GRAMD1B: variants seen among roughly 807,000 people sequenced by gnomAD.
GRAMD1B encodes protein Aster-B.
A neutral mutation model predicts 99.7 loss-of-function variants in GRAMD1B; 37 were observed. That is an observed-to-expected ratio of 0.37 (90% CI 0.29 to 0.49). The LOEUF is 0.49. GRAMD1B is among the 20% of genes least tolerant of loss of function. The pLI, the probability that GRAMD1B is intolerant of heterozygous loss-of-function variation, is 0.98. For missense variants in GRAMD1B, 888 were observed against 1,009.2 expected (o/e 0.88, Z 1.63); for synonymous variants, 427 against 387.6 (o/e 1.10, Z -1.19).
At chr11:123,364,388 A>G (rs1045262803) in intron 1 of GRAMD1B, among the ~76,000 whole-genome samples, 1 of 152,252 alleles carries the variant, frequency 6.6e-6, no homozygotes, top group East Asian at 1.9e-4. Context: ...GATTGAGAGC[A>G]TCGGCATGAG....
At chr11:123,575,404 A>G (rs1948606104) in intron 2 of GRAMD1B, among the ~76,000 whole-genome samples, 1 of 152,096 alleles carries the variant, frequency 6.6e-6, no homozygotes, top group African/African-American at 2.4e-5. Context: ...GCTGGTCTCA[A>G]ACTCGTGGTC....
chr11:123,591,898 C>G lies in GRAMD1B; in HGVS notation c.685-2184C>G, dbSNP rs1148103. ...TGGATTCACTCTCCCCTCTCCCTGC[C>G]ACTGCTACAGCTTTGTTTTAAGGAA... On this transcript the variant is annotated intron_variant, in intron 4 of 19. Transcript: ENST00000635736. The surrounding 1 kb of genome is among the most constrained non-coding windows in gnomAD (Gnocchi z 4.7). 0.1 allele frequency among the ~76,000 whole-genome samples: 15,938 copies of G among 152,222 alleles called. 1,091 individuals carry two copies. The highest frequency in any genetic ancestry group is 0.22 in the East Asian group (1,149 of 5,156).
At position 123,625,967 on chromosome 11, in the gene GRAMD1B, A is replaced by C. The variant is rs896163358; in HGVS notation, c.*3372A>C. On this transcript the variant is annotated 3_prime_UTR_variant, in exon 20 of 20. Coordinates refer to ENST00000635736, the MANE Select transcript of GRAMD1B (RefSeq NM_001387025.1). ...GAGAGAGAGAGAGAGAGAGAGAGAG[A>C]GAGAGAGAGAGAGATCGAGCTTGAT... 1 of 147,980 alleles carries C rather than the reference A, an allele frequency of 6.8e-6. No individual in the cohort carries two copies. The highest frequency in any genetic ancestry group is 1.5e-5 in the Non-Finnish European group (1 of 65,842). The allele number at this position is 147,980 out of a possible 1,614,324, so 9.2% of individuals were successfully genotyped here. A position where few individuals can be genotyped will look rare whatever the true frequency, so the allele number is the denominator to read the frequency against.
At chr11:123,428,699 C>T (rs987498827), upstream of GRAMD1B, among the ~76,000 whole-genome samples, 7 of 152,222 alleles carry the variant, frequency 4.6e-5, no homozygotes, top group Non-Finnish European at 7.3e-5. Context: ...TATTTACTTG[C>T]AGTGAATTCT....
chr11:123,484,222 C>T (rs922933767), intron 2 of GRAMD1B, among the ~76,000 whole-genome samples: 6 of 152,140 alleles, frequency 3.9e-5, no homozygotes, highest in Non-Finnish European at 5.9e-5. Context: ...TCTACCAGTT[C>T]TATGATTGAC....
chr11:123,614,774 G>A lies in GRAMD1B; in HGVS notation c.2257G>A (p.Asp753Asn), dbSNP rs375570291. ...CACACAGACGCGGCATATCCCGGAG[G>A]ACACCCCCAACGGTTTCCACCTGCA... ...GSTQTRHIPE[D>N]TPNGFHLQSV... Residue 753 changes from aspartate to asparagine, a missense_variant, in exon 17 of 20, where the codon GAC becomes AAC. By Grantham distance (23) the Asp-to-Asn change is conservative (BLOSUM62 1). This residue lies in a region of GRAMD1B where 232 missense variants were observed against 261.7 expected (regional missense o/e 0.89). Coordinates refer to ENST00000635736, the MANE Select transcript of GRAMD1B (RefSeq NM_001387025.1). 1.1e-5 allele frequency: 18 copies of A among 1,612,352 alleles called. No individual in the cohort carries two copies. The highest frequency in any genetic ancestry group is 8.3e-5 in the Admixed American group (5 of 59,976).
In GRAMD1B at chr11:123,560,459, C is replaced by T. The variant is rs549102631; in HGVS notation, c.453-16908C>T. 11 of 1,199,512 alleles carry T rather than the reference C, an allele frequency of 9.2e-6. No individual in the cohort carries two copies. The East Asian group carries it at 5.3e-4, about 57-fold the overall frequency. 74.3% of individuals were successfully genotyped at this position (1,199,512 alleles called of 1,614,324 possible). The stretch of plus-strand genomic sequence containing the variant: ...GAAACAGCAGAGCAAAGAAGCGCCC[C>T]CAGCTTCTGAGAGCCCTGGCCCGAG... On this transcript the variant is annotated intron_variant, in intron 2 of 19. Coordinates refer to ENST00000635736, the MANE Select transcript of GRAMD1B (RefSeq NM_001387025.1).
intron 2 of GRAMD1B, among the ~76,000 whole-genome samples, chr11:123,552,754 C>G (rs895525220): frequency 6.6e-6 from 1 of 152,132 alleles, no homozygotes; most frequent in African/African-American, 2.4e-5. Flanking sequence ...CTCTTTGACT[C>G]AATTTTCTCT....
At chr11:123,447,694 T>A (rs1018999315) in intron 1 of GRAMD1B, among the ~76,000 whole-genome samples, 5 of 152,316 alleles carry the variant, frequency 3.3e-5, no homozygotes, top group African/African-American at 7.2e-5. Flanking sequence ...TTAGACAAAA[T>A]TAAGCACATG....
At chr11:123,576,166 C>CA (rs913190651) in intron 2 of GRAMD1B, among the ~76,000 whole-genome samples, 49 of 152,264 alleles carry the variant, frequency 3.2e-4, no homozygotes, top group African/African-American at 1.1e-3. Context: ...CAAATGGGGC[C>CA]AATGGGACAT....
intron 1 of GRAMD1B, among the ~76,000 whole-genome samples, chr11:123,379,417 A>T (rs1287647607): frequency 6.6e-6 from 1 of 152,186 alleles, no homozygotes; most frequent in African/African-American, 2.4e-5. Context: ...TTAAAAAAAA[A>T]ACAAACTTCT....
intron 3 of GRAMD1B, chr11:123,578,401 TG>T: frequency 6.6e-7 from 1 of 1,524,052 alleles, no homozygotes; most frequent in Non-Finnish European, 8.8e-7. Context: ...TTTGCATGCA[TG>T]GTCTTAGTCT....
At chr11:123,399,943 T>G (rs1160641312) in intron 1 of GRAMD1B, among the ~76,000 whole-genome samples, 1 of 152,152 alleles carries the variant, frequency 6.6e-6, no homozygotes, top group Non-Finnish European at 1.5e-5. Context: ...GCATCCTAAC[T>G]TGTGTGAGGT....
chr11:123,564,373 A>C (rs926613272), intron 2 of GRAMD1B, among the ~76,000 whole-genome samples: 7 of 152,182 alleles, frequency 4.6e-5, no homozygotes, highest in Admixed American at 1.3e-4. Flanking sequence ...ATCCTCCTCC[A>C]TGTCCTCATG....
intron 1 of GRAMD1B, among the ~76,000 whole-genome samples, chr11:123,423,270 TAAA>T (rs1948521012): frequency 2.1e-5 from 3 of 141,650 alleles, no homozygotes; most frequent in Non-Finnish European, 4.6e-5. Context: ...ACACACAGAT[TAAA>T]AGAAAAAAAA....
At chr11:123,618,487 C>A in intron 17 of GRAMD1B, 1 of 870,792 alleles carries the variant, frequency 1.1e-6, no homozygotes, top group Non-Finnish European at 2.0e-6. Context: ...CCATGCCCCT[C>A]TCCATGGCTC....
chr11:123,577,646 G>A, intron 3 of GRAMD1B, 69 bp downstream of exon 3: 1 of 1,200,646 alleles, frequency 8.3e-7, no homozygotes, highest in Non-Finnish European at 1.2e-6. Flanking sequence ...GGGGTGGTGA[G>A]CCGGAGAACA....
chr11:123,519,415 G>T (rs1252547638), intron 2 of GRAMD1B, among the ~76,000 whole-genome samples: 2 of 152,210 alleles, frequency 1.3e-5, no homozygotes, highest in African/African-American at 4.8e-5. Flanking sequence ...GCGGATTTTG[G>T]CTGGAGGACT....
intron 1 of GRAMD1B, among the ~76,000 whole-genome samples, chr11:123,431,590 G>T (rs977952160): frequency 1.3e-5 from 2 of 152,226 alleles, no homozygotes; most frequent in African/African-American, 4.8e-5. Context: ...TCTACAGAAG[G>T]AGATAGTAAA....
Sources: gnomAD v4.1 joint callset for allele counts (sites outside exome capture counted in the v4.1 genomes callset) on GRCh38, gnomAD v4.1.1 for gene constraint, gnomAD v4.1.1 regional missense constraint, Gnocchi (gnomAD v3.1) non-coding constraint, MANE v1.5 for transcripts, NCBI Gene and HGNC (gene_info 2026-07-23, HGNC 2026-07-21) for gene names.